The following BAX variants were observed in gnomAD, a reference collection of about 807,000 sequenced individuals.
The protein encoded by BAX is apoptosis regulator BAX.
A neutral mutation model predicts 26.8 loss-of-function variants in BAX; 21 were observed. That is an observed-to-expected ratio of 0.78 (90% CI 0.56 to 1.13). BAX has a LOEUF of 1.13. Among genes scored for constraint, BAX ranks in the 50% most tolerant of loss-of-function variants. BAX has a pLI of 0.00. For synonymous variants in BAX, 110 were observed against 101.8 expected, an observed-to-expected ratio of 1.08 and a Z score of -0.49; for missense variants, 236 against 254.6, an observed-to-expected ratio of 0.93 and a Z score of 0.50.
At position 48,961,059 on chromosome 19, in the gene BAX, T is replaced by C. The variant is rs1600114191; in HGVS notation, c.474+145T>C. On this transcript the variant is annotated intron_variant, in intron 5 of 5. Coordinates refer to ENST00000345358, the MANE Select transcript of BAX (RefSeq NM_138761.4). ...GTGCCCTCTCCCCATCTTCAGATCA[T>C]CAGATGTGGTCTATAATGCGTTTTC... 5.6e-6 allele frequency: 9 copies of C among 1,607,704 alleles called. No individual in the cohort carries two copies. In the East Asian group the frequency reaches 2.0e-4, roughly 36 times the overall value.
In BAX at chr19:48,960,434, G is replaced by A. The variant is rs537084619; in HGVS notation, c.370-376G>A. 278 of 327,952 alleles carry A rather than the reference G, an allele frequency of 8.5e-4. 1 individual carries two copies. Among genetic ancestry groups the A allele is most frequent in the African/African-American group, 5.7e-3 (262 of 46,108 alleles). 20.3% of individuals were successfully genotyped at this position (327,952 alleles called of 1,614,324 possible). A position where few individuals can be genotyped will look rare whatever the true frequency, so the allele number is the denominator to read the frequency against. ...GCTGGAGTGCAATGGCGCAACCTCG[G>A]CTCACTGCAACCTCCGCCTCCCGGG... is the stretch of plus-strand genomic sequence containing the variant. On this transcript the variant is annotated intron_variant, in intron 4 of 5. Coordinates refer to ENST00000345358, the MANE Select transcript of BAX (RefSeq NM_138761.4).
intron 5 of BAX, 100 bp downstream of exon 5, chr19:48,961,014 T>G (rs1568608919): frequency 1.2e-6 from 2 of 1,611,212 alleles, no homozygotes; most frequent in East Asian, 4.5e-5. Flanking sequence ...ACCCTGGGCC[T>G]TCTGGAGCAG....
rs1362219079 is a variant in BAX, at chr19:48,961,328, C to T, written c.475-204C>T. The stretch of plus-strand genomic sequence containing the variant: ...TCTCGAACTCCTGGCCTCAAGCGAT[C>T]CTCCCGCCTCAGCCTCTCAAAGTGC... On this transcript the variant is annotated intron_variant, in intron 5 of 5. Coordinates refer to ENST00000345358, the MANE Select transcript of BAX (RefSeq NM_138761.4). 3 of 1,337,318 alleles carry T rather than the reference C, an allele frequency of 2.2e-6. 1 individual carries two copies. Among genetic ancestry groups the T allele is most frequent in the Middle Eastern group, 5.1e-4 (2 of 3,958 alleles). The allele number at this position is 1,337,318 out of a possible 1,614,324, so 82.8% of individuals were successfully genotyped here.
At chr19:48,958,519 G>A (rs1042082046) in intron 4 of BAX, among the ~76,000 whole-genome samples, 3 of 140,014 alleles carry the variant, frequency 2.1e-5, no homozygotes, top group Non-Finnish European at 4.6e-5. Flanking sequence ...ACCAGCAAAT[G>A]GGAGGGATAT....
intron 4 of BAX, among the ~76,000 whole-genome samples, chr19:48,958,911 G>A (rs1254537476): frequency 6.6e-6 from 1 of 151,536 alleles, no homozygotes; most frequent in Non-Finnish European, 1.5e-5. Context: ...GAGATGAGGG[G>A]AATAGCAGTG....
intron 5 of BAX, 127 bp from the exon 6 acceptor site, chr19:48,961,405 G>A: frequency 1.7e-6 from 2 of 1,168,236 alleles, no homozygotes; most frequent in Non-Finnish European, 2.4e-6. Context: ...GCTCTTTAAT[G>A]CCCGTTCATC....
chr19:48,957,957 A>C (rs1403426359), intron 4 of BAX, among the ~76,000 whole-genome samples: 2 of 152,068 alleles, frequency 1.3e-5, no homozygotes, highest in African/African-American at 4.8e-5. Flanking sequence ...GTGGTGGTGA[A>C]ATGCTCCTGG....
chr19:48,958,132 C>T (rs2038210624), intron 4 of BAX, among the ~76,000 whole-genome samples: 1 of 150,478 alleles, frequency 6.6e-6, no homozygotes, highest in Admixed American at 6.7e-5. Flanking sequence ...GCTCTGTTGG[C>T]CAGGCTGGAG....
intron 4 of BAX, among the ~76,000 whole-genome samples, chr19:48,956,680 A>C (rs1386353817): frequency 8.7e-6 from 1 of 114,744 alleles, no homozygotes; most frequent in Admixed American, 9.7e-5. Context: ...TTTGAGATGG[A>C]GTTTTGCTCT....
chr19:48,955,894 C>A, intron 3 of BAX, 61 bp downstream of exon 3: 1 of 1,507,296 alleles, frequency 6.6e-7, no homozygotes, highest in Non-Finnish European at 8.9e-7. Context: ...ACAGGACTCT[C>A]AGCCCCGCAT....
intron 4 of BAX, chr19:48,960,473 C>A: frequency 2.9e-6 from 1 of 341,672 alleles, no homozygotes; most frequent in East Asian, 7.9e-5. Context: ...AAGCAATTCT[C>A]CTGCCTCAGA....
chr19:48,955,410 C>G, intron 1 of BAX, 138 bp from the exon 2 acceptor site: 1 of 961,622 alleles, frequency 1.0e-6, no homozygotes, highest in Non-Finnish European at 1.5e-6. Flanking sequence ...CTGGGCCCCC[C>G]CGTCACTTTA....
chr19:48,956,388 A>G (rs1339131903), intron 4 of BAX, 55 bp downstream of exon 4: 43 of 1,452,748 alleles, frequency 3.0e-5, no homozygotes, highest in Non-Finnish European at 3.7e-5. Flanking sequence ...ATCTGTGAGG[A>G]CCTGGGGATC....
At chr19:48,961,312 C>G in intron 5 of BAX, 2 of 1,379,638 alleles carry the variant, frequency 1.4e-6, no homozygotes, top group Non-Finnish European at 1.9e-6. Flanking sequence ...GTCTCGAACT[C>G]CTGGCCTCAA....
chr19:48,957,052 G>A (rs924967210), intron 4 of BAX, among the ~76,000 whole-genome samples: 3 of 150,248 alleles, frequency 2.0e-5, no homozygotes, highest in Non-Finnish European at 4.4e-5. Context: ...AGCATGCAGT[G>A]ATCTATAGTG....
At chr19:48,955,008 C>T (rs1341713478) in intron 1 of BAX, 46 bp downstream of exon 1, 2 of 1,239,702 alleles carry the variant, frequency 1.6e-6, no homozygotes, top group Admixed American at 3.8e-5. Flanking sequence ...GCCCCCTCGC[C>T]GGCCCGTCCG....
intron 1 of BAX, 107 bp from the exon 2 acceptor site, chr19:48,955,441 C>T: frequency 7.6e-7 from 1 of 1,310,974 alleles, no homozygotes; most frequent in South Asian, 1.5e-5. Flanking sequence ...TCCCAGAAGT[C>T]CAGGGTCCCC....
chr19:48,957,772 C>T (rs1238908716), intron 4 of BAX, among the ~76,000 whole-genome samples: 2 of 152,116 alleles, frequency 1.3e-5, no homozygotes, highest in East Asian at 1.9e-4. Flanking sequence ...TTCAATGCCC[C>T]GATAAACCCA....
At chr19:48,960,244 C>A (rs1489411010) in intron 4 of BAX, 2 of 445,332 alleles carry the variant, frequency 4.5e-6, no homozygotes, top group Non-Finnish European at 9.0e-6. Flanking sequence ...TCCAGGCTGG[C>A]GTGAAATGGC....
Sources: gnomAD v4.1 joint callset for allele counts (sites outside exome capture counted in the v4.1 genomes callset) on GRCh38, gnomAD v4.1.1 for gene constraint, MANE v1.5 for transcripts, NCBI Gene and HGNC (gene_info 2026-07-23, HGNC 2026-07-21) for gene names.